Variants in APP observed in about 807,000 individuals in gnomAD.
The protein encoded by APP is amyloid beta precursor protein.
APP carries 31 observed loss-of-function variants against 101.4 expected under a neutral mutation model. That is an observed-to-expected ratio of 0.31 (90% confidence interval 0.23 to 0.41). APP has a LOEUF of 0.41. APP is among the 10% of genes least tolerant of loss of function. The probability of loss-of-function intolerance (pLI) is 1.00; values close to 1 mark genes in which losing one functional copy is unlikely to be tolerated. For missense variants in APP, 839 were observed against 1,003.7 expected (o/e 0.84, Z 2.22); for synonymous variants, 366 against 364.4 (o/e 1.00, Z -0.05).
intron 6 of APP, among the ~76,000 whole-genome samples, chr21:26,004,576 G>C (rs1483570173): frequency 6.6e-6 from 1 of 152,202 alleles, no homozygotes; most frequent in Non-Finnish European, 1.5e-5. Flanking sequence ...ACAGGCGTGA[G>C]GCACCGCGCC....
At chr21:25,939,191 C>T (rs1390489983) in intron 13 of APP, among the ~76,000 whole-genome samples, 1 of 152,108 alleles carries the variant, frequency 6.6e-6, no homozygotes, top group Non-Finnish European at 1.5e-5. Flanking sequence ...TTTCATGTTC[C>T]CTTGAGGAGC....
At position 26,034,318 on chromosome 21, in the gene APP, T is replaced by C. The variant is rs187013298; in HGVS notation, c.663-12276A>G. ...AGATCTATGTGAGAATTTTAAAACA[T>C]TGTTGCTGATTAGTCTCTCTAATCA... On this transcript the variant is annotated intron_variant, in intron 5 of 17. Coordinates refer to ENST00000346798, the MANE Select transcript of APP (RefSeq NM_000484.4). 1.6e-3 allele frequency among the ~76,000 whole-genome samples: 245 copies of C among 152,218 alleles called. 1 individual carries two copies. The highest frequency in any genetic ancestry group is 7.6e-4 in the Non-Finnish European group (52 of 68,000).
At chr21:25,925,720 A>G (rs1240136127) in intron 13 of APP, among the ~76,000 whole-genome samples, 1 of 151,630 alleles carries the variant, frequency 6.6e-6, no homozygotes, top group Non-Finnish European at 1.5e-5. Flanking sequence ...GGTTCACTTG[A>G]GGTCAGGAGT....
chr21:26,021,810 T>A (rs1293839550), intron 6 of APP, 30 bp downstream of exon 6: 1 of 1,608,754 alleles, frequency 6.2e-7, no homozygotes, highest in Admixed American at 1.7e-5. Context: ...TCCTTGGGGG[T>A]GGGGGGAATC....
At chr21:26,140,628 G>A (rs1274950476) in intron 1 of APP, among the ~76,000 whole-genome samples, 1 of 152,238 alleles carries the variant, frequency 6.6e-6, no homozygotes, top group Non-Finnish European at 1.5e-5. Context: ...GAATCAGGAA[G>A]CCAATTCATA....
At chr21:26,043,198 G>A (rs746677827) in intron 5 of APP, among the ~76,000 whole-genome samples, 1 of 151,880 alleles carries the variant, frequency 6.6e-6, no homozygotes, top group Admixed American at 6.6e-5. Flanking sequence ...CTTAATTACT[G>A]CATGTCTAGA....
At chr21:25,888,191 A>G (rs1237512335) in intron 17 of APP, among the ~76,000 whole-genome samples, 1 of 152,206 alleles carries the variant, frequency 6.6e-6, no homozygotes, top group Non-Finnish European at 1.5e-5. Context: ...AATGAAGGTT[A>G]GCCAGAGCCG....
At chr21:25,960,422 T>A (rs2041529892) in intron 11 of APP, among the ~76,000 whole-genome samples, 1 of 152,068 alleles carries the variant, frequency 6.6e-6, no homozygotes, top group Admixed American at 6.5e-5. Flanking sequence ...CCTAAATGGG[T>A]CCTGTTAAGA....
chr21:25,889,133 T>C (rs1214871550), intron 17 of APP, among the ~76,000 whole-genome samples: 1 of 152,158 alleles, frequency 6.6e-6, no homozygotes, highest in Non-Finnish European at 1.5e-5. Flanking sequence ...ATTCATATGT[T>C]GAAGTCCTAA....
Position 25,880,608 on chromosome 21 carries a change from A to ACAT in APP, c.*1059_*1061dup, listed in dbSNP as rs1359721298. 6.6e-6 allele frequency: 1 copy of ACAT among 152,250 alleles called. No homozygotes were observed. Among genetic ancestry groups the ACAT allele is most frequent in the Non-Finnish European group, 1.5e-5 (1 of 68,046 alleles). The allele number at this position is 152,250 out of a possible 1,614,324, so 9.4% of individuals were successfully genotyped here. A position where few individuals can be genotyped will look rare whatever the true frequency, so the allele number is the denominator to read the frequency against. ...ACACCATTTTATACAAATTGAAGAC[A>ACAT]CATCTTAAAAGAAGGGTTTGTCCAG... On this transcript the variant is annotated 3_prime_UTR_variant, in exon 18 of 18. Coordinates refer to ENST00000346798, the MANE Select transcript of APP (RefSeq NM_000484.4).
At chr21:26,091,617 CTGAA>C (rs1438238365) in intron 2 of APP, among the ~76,000 whole-genome samples, 1 of 152,136 alleles carries the variant, frequency 6.6e-6, no homozygotes, top group Non-Finnish European at 1.5e-5. Flanking sequence ...TCTTCAAAGT[CTGAA>C]TGGTGAACAT....
At chr21:26,099,126 G>A (rs2062006806) in intron 2 of APP, among the ~76,000 whole-genome samples, 1 of 149,568 alleles carries the variant, frequency 6.7e-6, no homozygotes, top group Non-Finnish European at 1.5e-5. Flanking sequence ...TAGTCCAGAG[G>A]AAACAGCCAG....
chr21:26,053,227 G>A lies in APP; in HGVS notation c.468+9C>T, dbSNP rs1488991495. 1.9e-6 allele frequency: 3 copies of A among 1,593,162 alleles called. No homozygotes were observed. Among genetic ancestry groups the A allele is most frequent in the Non-Finnish European group, 1.7e-6 (2 of 1,161,036 alleles). On this transcript the variant is annotated intron_variant, in intron 4 of 17. Transcript: ENST00000346798. ...ACTTTGCAATAAGAAAGAATTTATG[G>A]GCTGGTACCTCTTTGGCGACGGTGT...
At chr21:26,077,382 G>A (rs922957426) in intron 3 of APP, among the ~76,000 whole-genome samples, 20 of 152,108 alleles carry the variant, frequency 1.3e-4, no homozygotes, top group African/African-American at 4.8e-4. Flanking sequence ...TATGGCATCT[G>A]TATTGTGAGT....
chr21:26,031,969 G>A (rs1365897614), intron 5 of APP, among the ~76,000 whole-genome samples: 2 of 152,316 alleles, frequency 1.3e-5, no homozygotes, highest in African/African-American at 4.8e-5. Context: ...AAGCCATGTG[G>A]CTCAGGCTAC....
upstream of APP, chr21:26,170,921 T>G (rs1193618970): frequency 1.8e-5 from 3 of 165,640 alleles, no homozygotes; most frequent in East Asian, 2.2e-4. Context: ...CGCCCACAGG[T>G]GCACGCGCCC....
intron 17 of APP, among the ~76,000 whole-genome samples, chr21:25,884,615 G>A (rs2037204971): frequency 6.6e-6 from 1 of 152,142 alleles, no homozygotes; most frequent in Non-Finnish European, 1.5e-5. Flanking sequence ...CAGCCTATCT[G>A]CAGCAGTACG....
intron 11 of APP, among the ~76,000 whole-genome samples, chr21:25,973,235 G>C (rs1250430760): frequency 6.6e-6 from 1 of 151,800 alleles, no homozygotes; most frequent in African/African-American, 2.4e-5. Flanking sequence ...CAAGATGACA[G>C]ATTCAGTGAC....
chr21:26,049,094 C>T (rs1261633278), intron 5 of APP, among the ~76,000 whole-genome samples: 4 of 152,072 alleles, frequency 2.6e-5, no homozygotes, highest in African/African-American at 7.3e-5. Context: ...TTCCTACCAA[C>T]TGTCAACAGG....
Sources: allele counts gnomAD v4.1 joint callset (sites outside exome capture counted in the v4.1 genomes callset), GRCh38; gene constraint gnomAD v4.1.1; transcripts MANE v1.5; gene names NCBI Gene and HGNC (gene_info 2026-07-23, HGNC 2026-07-21).